Variants in PCDHGB7 observed in about 807,000 individuals in gnomAD.
PCDHGB7 encodes protocadherin gamma subfamily B, 7, also known as protocadherin gamma-B7.
PCDHGB7 carries 37 observed loss-of-function variants against 61.4 expected under a neutral mutation model. The observed-to-expected ratio is 0.60, with a 90% CI of 0.46 to 0.79. The LOEUF is 0.79. Among genes scored for constraint, PCDHGB7 ranks in the 30% least tolerant of loss-of-function variants. The pLI is 0.00. For synonymous variants in PCDHGB7, 464 were observed against 503.5 expected (o/e 0.92, Z 1.05); for missense variants, 1,166 against 1,202.5 (o/e 0.97, Z 0.45).
chr5:141,477,265 G>A lies in PCDHGB7; in HGVS notation c.2416-17542G>A. The A allele has an allele frequency of 6.2e-7, 1 of 1,614,198 alleles. No individual in the cohort carries two copies. Among genetic ancestry groups the A allele is most frequent in the African/African-American group, 1.3e-5 (1 of 75,048 alleles). On this transcript the variant is annotated intron_variant, in intron 1 of 3. Transcript: ENST00000398594. The surrounding 1 kb of genome is among the most constrained non-coding windows in gnomAD (Gnocchi z 4.9). ...GTGTGACTGACCTGGATGCTGGCGA[G>A]AACGGGCTGGTGACCTGCGAAGTTC...
chr5:141,457,058 T>C (rs756862311), intron 1 of PCDHGB7, among the ~76,000 whole-genome samples: 1 of 152,230 alleles, frequency 6.6e-6, no homozygotes, highest in South Asian at 2.1e-4. Flanking sequence ...TCATGCTTCC[T>C]TTTTGCCAGT....
In PCDHGB7 at chr5:141,477,191, A is replaced by G; in HGVS notation, c.2416-17616A>G. ...GGAGATCACAGTCACCTCCGTGTACAGCCCAGTACCCGAGGATGCCCCTCT... is the reference window on the plus strand; with the variant it reads ...GGAGATCACAGTCACCTCCGTGTACGGCCCAGTACCCGAGGATGCCCCTCT... On this transcript the variant is annotated intron_variant, in intron 1 of 3. Transcript: ENST00000398594. This position sits in a 1 kb window ranked among gnomAD's most constrained non-coding sequence, Gnocchi z 4.9. 5.0e-6 allele frequency: 8 copies of G among 1,614,210 alleles called. No homozygotes were observed. The highest frequency in any genetic ancestry group is 6.8e-6 in the Non-Finnish European group (8 of 1,180,044).
Position 141,491,665 on chromosome 5 carries a change from C to G in PCDHGB7, c.2416-3142C>G. The stretch of plus-strand genomic sequence containing the variant: ...TCTGGCGCTGGAGCCTGACGCCATC[C>G]GGTCCCGCTCTAATACGCTGCGGGA... On this transcript the variant is annotated intron_variant, in intron 1 of 3. Transcript: ENST00000398594. This position sits in a 1 kb window ranked among gnomAD's most constrained non-coding sequence, Gnocchi z 6.9. 1 of 1,613,764 alleles carries G rather than the reference C, an allele frequency of 6.2e-7. No homozygotes were observed. Among genetic ancestry groups the G allele is most frequent in the Non-Finnish European group, 8.5e-7 (1 of 1,180,000 alleles).
intron 2 of PCDHGB7, 114 bp from the exon 3 acceptor site, chr5:141,505,279 C>T: frequency 6.5e-7 from 1 of 1,541,274 alleles, no homozygotes; most frequent in Non-Finnish European, 8.7e-7. Context: ...AGAAACAGGT[C>T]TTGGGCATGG....
At position 141,419,770 on chromosome 5, in the gene PCDHGB7, G is replaced by A. The variant is rs1018272442; in HGVS notation, c.1911G>A (p.Ser637=). The change falls in exon 1 of 4, where the codon TCG becomes TCA. Residue 637 remains serine, a synonymous_variant. Coordinates refer to ENST00000398594, the MANE Select transcript of PCDHGB7 (RefSeq NM_018927.4). ...TGCGTGCTTTGGGTGACAAGGACTC[G>A]GTCCGCCAGCGCCTGCTAGTCGCTG... The part of the protein sequence containing the change: ...RMVRALGDKD[S]VRQRLLVAVR... 3.7e-6 allele frequency: 6 copies of A among 1,614,006 alleles called. No individual in the cohort carries two copies. The Admixed American group carries it at 6.7e-5, about 18-fold the overall frequency.
chr5:141,455,856 TTTTATTA>T (rs1315325745), intron 1 of PCDHGB7, among the ~76,000 whole-genome samples: 1 of 146,240 alleles, frequency 6.8e-6, no homozygotes, highest in East Asian at 2.0e-4. Flanking sequence ...AAATAATTTC[TTTTATTA>T]TTTATTTATT....
rs1444244130 is a variant in PCDHGB7 at position 141,433,401 on chromosome 5, A to ATCTATCTC, written c.2415+13132_2415+13133insCTCTCTAT. The stretch of plus-strand genomic sequence containing the variant: ...TATCTATCTATCTATCTATCTATCT[A>ATCTATCTC]TCTATTACTTTCTTGTACAGACAGG... On this transcript the variant is annotated intron_variant, in intron 1 of 3. Transcript: ENST00000398594. Among the ~76,000 whole-genome samples, 100 of 150,598 alleles carry ATCTATCTC rather than the reference A, an allele frequency of 6.6e-4. 1 individual carries two copies. Among genetic ancestry groups the ATCTATCTC allele is most frequent in the African/African-American group, 2.4e-3 (100 of 40,958 alleles).
intron 1 of PCDHGB7, among the ~76,000 whole-genome samples, chr5:141,482,354 G>C (rs1461472845): frequency 6.6e-6 from 1 of 152,096 alleles, no homozygotes; most frequent in Non-Finnish European, 1.5e-5. Context: ...CTTGTTGTGA[G>C]AGTGAAAAGT....
chr5:141,437,037 A>G (rs1410732155), intron 1 of PCDHGB7, among the ~76,000 whole-genome samples: 2 of 152,264 alleles, frequency 1.3e-5, no homozygotes, highest in Admixed American at 1.3e-4. Flanking sequence ...TGGATCACCG[A>G]AACCAGAAGG....
At position 141,421,262 on chromosome 5, in the gene PCDHGB7, G is replaced by GGCT. The variant is rs748368476; in HGVS notation, c.2415+1002_2415+1004dup. 2.6e-5 allele frequency: 42 copies of GGCT among 1,609,594 alleles called. No homozygotes were observed. The Admixed American group carries it at 3.2e-4, about 12-fold the overall frequency. On this transcript the variant is annotated intron_variant, in intron 1 of 3. Coordinates refer to ENST00000398594, the MANE Select transcript of PCDHGB7 (RefSeq NM_018927.4). ...CGGCTACAGCGCGGGGACCGCAGTC[G>GGCT]GCTGCTGCTGCTGCTGTGCATTTTC...
intron 2 of PCDHGB7, among the ~76,000 whole-genome samples, chr5:141,496,744 T>C (rs1383447795): frequency 6.6e-6 from 1 of 152,170 alleles, no homozygotes; most frequent in Non-Finnish European, 1.5e-5. Context: ...GTTCATTTAT[T>C]CAACAAATAT....
intron 1 of PCDHGB7, among the ~76,000 whole-genome samples, chr5:141,492,854 G>A (rs1361942466): frequency 6.6e-6 from 1 of 152,212 alleles, no homozygotes; most frequent in Non-Finnish European, 1.5e-5. Flanking sequence ...AAAGCCTCGA[G>A]CGCCCTGGCT....
Position 141,418,988 on chromosome 5 carries a change from G to A in PCDHGB7, c.1129G>A (p.Gly377Arg). 6.2e-7 allele frequency: 1 copy of A among 1,613,946 alleles called. No individual in the cohort carries two copies. Among genetic ancestry groups the A allele is most frequent in the Non-Finnish European group, 8.5e-7 (1 of 1,179,872 alleles). The change falls in exon 1 of 4, where the codon GGG becomes AGG. Residue 377 changes from glycine to arginine, a missense_variant. Coordinates refer to ENST00000398594, the MANE Select transcript of PCDHGB7 (RefSeq NM_018927.4). ...ALFKTRDQDSGENGEVRCSLS... is the reference protein window; with the variant it reads ...ALFKTRDQDSRENGEVRCSLS... ...CTTCAAAACACGGGACCAAGACTCAGGGGAAAATGGGGAAGTCAGGTGTAG... is the reference window on the plus strand; with the variant it reads ...CTTCAAAACACGGGACCAAGACTCAAGGGAAAATGGGGAAGTCAGGTGTAG...
chr5:141,429,698 A>G (rs1436698608), intron 1 of PCDHGB7, among the ~76,000 whole-genome samples: 2 of 152,228 alleles, frequency 1.3e-5, no homozygotes, highest in Admixed American at 6.5e-5. Flanking sequence ...ATATCTTTAC[A>G]GTATAAATAT....
Position 141,485,792 on chromosome 5 carries a change from G to T in PCDHGB7, c.2416-9015G>T, listed in dbSNP as rs114766079. 6.2e-6 allele frequency: 10 copies of T among 1,614,118 alleles called. No individual in the cohort carries two copies. In the Admixed American group the frequency reaches 1.3e-4, roughly 22 times the overall value. ...GCCTTTGGATCGAGAGAAGCAATCG[G>T]ACTACCGCCTGGTGCTGACTGCTGT... On this transcript the variant is annotated intron_variant, in intron 1 of 3. Transcript: ENST00000398594. This position sits in a 1 kb window ranked among gnomAD's most constrained non-coding sequence, Gnocchi z 5.7.
intron 1 of PCDHGB7, among the ~76,000 whole-genome samples, chr5:141,439,537 C>T (rs1404605731): frequency 6.6e-6 from 1 of 152,206 alleles, no homozygotes; most frequent in African/African-American, 2.4e-5. Flanking sequence ...GAACGCTGTC[C>T]TCTCATTTCT....
intron 1 of PCDHGB7, chr5:141,427,889 G>A: frequency 1.3e-6 from 2 of 1,566,516 alleles, no homozygotes; most frequent in Non-Finnish European, 1.7e-6. Context: ...CCCACGACCA[G>A]GGCTCGCCCG....
chr5:141,465,313 T>C (rs113508011), intron 1 of PCDHGB7, among the ~76,000 whole-genome samples: 5 of 152,312 alleles, frequency 3.3e-5, no homozygotes, highest in Admixed American at 6.5e-5. Context: ...AATTTAGCCA[T>C]GTCAATGCAG....
At chr5:141,482,876 AGCCTG>A (rs2099574018) in intron 1 of PCDHGB7, among the ~76,000 whole-genome samples, 1 of 152,142 alleles carries the variant, frequency 6.6e-6, no homozygotes, top group Admixed American at 6.5e-5. Flanking sequence ...GTTTGAAACC[AGCCTG>A]GCCAACATGG....
Sources: allele counts gnomAD v4.1 joint callset (sites outside exome capture counted in the v4.1 genomes callset), GRCh38; gene constraint gnomAD v4.1.1; non-coding constraint Gnocchi (gnomAD v3.1); transcripts MANE v1.5; gene names NCBI Gene and HGNC (gene_info 2026-07-23, HGNC 2026-07-21).